The following SGCZ variants were observed in gnomAD, a reference collection of about 807,000 sequenced individuals.
The protein encoded by SGCZ is sarcoglycan zeta.
In SGCZ, 40 loss-of-function variants were observed where a neutral mutation model predicts 41.3. The ratio of observed to expected loss-of-function variants is 0.97; its 90% CI spans 0.75 to 1.26. SGCZ has a LOEUF of 1.26. Among genes scored for constraint, SGCZ ranks in the 50% most tolerant of loss-of-function variants. The probability of loss-of-function intolerance (pLI) is 0.00; values close to 1 mark genes in which losing one functional copy is unlikely to be tolerated. For missense variants in SGCZ, 552 were observed against 369.8 expected, an observed-to-expected ratio of 1.49 and a Z score of -4.04; for synonymous variants, 206 against 137.5, an observed-to-expected ratio of 1.50 and a Z score of -3.49.
chr8:14,903,010 A>G (rs547749823), intron 1 of SGCZ, among the ~76,000 whole-genome samples: 1 of 152,248 alleles, frequency 6.6e-6, no homozygotes, highest in Admixed American at 6.5e-5. Context: ...TCCCTCTTAA[A>G]TTAACAGTAT....
At chr8:14,674,001 G>C (rs993019185) in intron 1 of SGCZ, among the ~76,000 whole-genome samples, 1 of 152,080 alleles carries the variant, frequency 6.6e-6, no homozygotes. Flanking sequence ...ACTTTTAAAT[G>C]CTTTAAAGTG....
intron 1 of SGCZ, among the ~76,000 whole-genome samples, chr8:14,767,545 A>T (rs1021741304): frequency 1.3e-5 from 2 of 152,230 alleles, no homozygotes; most frequent in South Asian, 4.1e-4. Context: ...GCAGATTGTA[A>T]TGAGCTGCCT....
chr8:14,519,437 C>T (rs1802722613), intron 2 of SGCZ, among the ~76,000 whole-genome samples: 1 of 152,122 alleles, frequency 6.6e-6, no homozygotes, highest in Admixed American at 6.6e-5. Flanking sequence ...TTCTAATTAA[C>T]TCTCTACTTT....
chr8:14,646,467 G>A (rs566042485), intron 1 of SGCZ, among the ~76,000 whole-genome samples: 7 of 151,964 alleles, frequency 4.6e-5, no homozygotes, highest in Admixed American at 1.3e-4. Flanking sequence ...GGGCACTTAG[G>A]CACTTAGGTT....
Position 14,216,710 on chromosome 8 carries a change from G to A in SGCZ, c.424+20882C>T, listed in dbSNP as rs1169601825. ...CACCCATTTGTGATAAAAACTCTCA[G>A]CAAACTAGAAATAGAAGAAATCTTA... On this transcript the variant is annotated intron_variant, in intron 4 of 7. Coordinates refer to ENST00000382080, the MANE Select transcript of SGCZ (RefSeq NM_139167.4). Among the ~76,000 whole-genome samples, 4 of 150,422 alleles carry A rather than the reference G, an allele frequency of 2.7e-5. No homozygotes were observed. The Admixed American group carries it at 2.7e-4, about 10-fold the overall frequency.
chr8:15,025,612 C>T (rs1803427076), intron 1 of SGCZ, among the ~76,000 whole-genome samples: 1 of 152,148 alleles, frequency 6.6e-6, no homozygotes, highest in Non-Finnish European at 1.5e-5. Context: ...TGACAACCAA[C>T]ACCTGAAATT....
intron 1 of SGCZ, among the ~76,000 whole-genome samples, chr8:14,943,866 A>C (rs1288313197): frequency 3.9e-5 from 6 of 152,156 alleles, no homozygotes; most frequent in Non-Finnish European, 8.8e-5. Flanking sequence ...TTCCTTAGGA[A>C]AGTGACCTCT....
At chr8:14,550,593 T>G (rs1438351447) in intron 2 of SGCZ, among the ~76,000 whole-genome samples, 1 of 151,936 alleles carries the variant, frequency 6.6e-6, no homozygotes, top group Non-Finnish European at 1.5e-5. Context: ...TTATGAACCT[T>G]GGTGTTCAGA....
rs531991964 is a variant in SGCZ at position 14,864,934 on chromosome 8, A to AT, written c.40-310009dup. ...TCCTTGATGGTTGGTGATGTTGAGC[A>AT]TTTTTTCTATGTCTTTTTTGAGAAA... On this transcript the variant is annotated intron_variant, in intron 1 of 7. Coordinates refer to ENST00000382080, the MANE Select transcript of SGCZ (RefSeq NM_139167.4). Among the ~76,000 whole-genome samples, 531 of 151,830 alleles carry AT rather than the reference A, an allele frequency of 3.5e-3. 3 individuals are homozygous for AT. Among genetic ancestry groups the AT allele is most frequent in the Non-Finnish European group, 5.2e-3 (356 of 67,930 alleles).
At chr8:14,941,500 A>G (rs1800274020) in intron 1 of SGCZ, among the ~76,000 whole-genome samples, 1 of 152,154 alleles carries the variant, frequency 6.6e-6, no homozygotes, top group Non-Finnish European at 1.5e-5. Context: ...TAGTATGTTT[A>G]TATTTTCATA....
intron 1 of SGCZ, among the ~76,000 whole-genome samples, chr8:14,926,371 C>T (rs1005474235): frequency 6.6e-6 from 1 of 152,094 alleles, no homozygotes. Flanking sequence ...AAGGTAAATA[C>T]TTATAGAACC....
intron 1 of SGCZ, among the ~76,000 whole-genome samples, chr8:14,637,878 C>T (rs928252092): frequency 5.3e-5 from 8 of 151,676 alleles, no homozygotes; most frequent in African/African-American, 1.9e-4. Context: ...TGTTTTAAGT[C>T]CTTTGAGAAG....
At chr8:14,309,471 G>C in intron 3 of SGCZ, 1 of 1,606,268 alleles carries the variant, frequency 6.2e-7, no homozygotes, top group Non-Finnish European at 8.5e-7. Context: ...GATGTATGTG[G>C]CGCTGTTGTT....
intron 1 of SGCZ, among the ~76,000 whole-genome samples, chr8:15,088,362 A>G (rs1806026613): frequency 6.6e-6 from 1 of 152,168 alleles, no homozygotes; most frequent in South Asian, 2.1e-4. Context: ...TCTACTGTCC[A>G]ATTACATTAA....
At chr8:14,450,197 A>C (rs1800551439) in intron 2 of SGCZ, among the ~76,000 whole-genome samples, 1 of 152,154 alleles carries the variant, frequency 6.6e-6, no homozygotes, top group Admixed American at 6.6e-5. Context: ...CAGAACCCAA[A>C]CCCTCAACGA....
intron 2 of SGCZ, among the ~76,000 whole-genome samples, chr8:14,406,539 G>C (rs1401670312): frequency 6.6e-6 from 1 of 152,134 alleles, no homozygotes; most frequent in Non-Finnish European, 1.5e-5. Context: ...AATGTAACCT[G>C]TGATTTGGCA....
intron 1 of SGCZ, among the ~76,000 whole-genome samples, chr8:14,884,830 C>G (rs186748286): frequency 6.6e-6 from 1 of 151,992 alleles, no homozygotes; most frequent in African/African-American, 2.4e-5. Context: ...TCTCTTCTTA[C>G]CCCATCTCCT....
At chr8:15,236,036 C>G (rs1400989807) in intron 1 of SGCZ, among the ~76,000 whole-genome samples, 1 of 152,210 alleles carries the variant, frequency 6.6e-6, no homozygotes, top group Non-Finnish European at 1.5e-5. Flanking sequence ...GGTCTACTGA[C>G]TATGATCTTG....
In SGCZ at chr8:14,090,254, C is replaced by G. The variant is rs1239313166; in HGVS notation, c.*189G>C. ...ACGCTTTTTCCACTGCTGTGTCAATCACACCCTCTGTGTTGAGCAGTACAG... is the reference window on the plus strand; with the variant it reads ...ACGCTTTTTCCACTGCTGTGTCAATGACACCCTCTGTGTTGAGCAGTACAG... On this transcript the variant is annotated 3_prime_UTR_variant, in exon 8 of 8. Transcript: ENST00000382080. 1 of 475,408 alleles carries G rather than the reference C, an allele frequency of 2.1e-6. No individual in the cohort carries two copies. The highest frequency in any genetic ancestry group is 3.5e-6 in the Non-Finnish European group (1 of 281,744). 29.4% of individuals were successfully genotyped at this position (475,408 alleles called of 1,614,324 possible). A position where few individuals can be genotyped will look rare whatever the true frequency, so the allele number is the denominator to read the frequency against.
Sources: gnomAD v4.1 joint callset for allele counts (sites outside exome capture counted in the v4.1 genomes callset) on GRCh38, gnomAD v4.1.1 for gene constraint, MANE v1.5 for transcripts, NCBI Gene and HGNC (gene_info 2026-07-23, HGNC 2026-07-21) for gene names.